Variants in DACH2 observed in about 807,000 individuals in gnomAD.
The protein encoded by DACH2 is dachshund homolog 2.
DACH2 carries 17 observed loss-of-function variants against 35.8 expected under a neutral mutation model. The observed-to-expected ratio is 0.48, with a 90% CI of 0.33 to 0.71. DACH2 has a LOEUF of 0.71. Among genes scored for constraint, DACH2 ranks in the 30% least tolerant of loss-of-function variants. The probability of loss-of-function intolerance (pLI) is 0.02; values close to 1 mark genes in which losing one functional copy is unlikely to be tolerated. For missense variants in DACH2, 469 were observed against 472.7 expected, an observed-to-expected ratio of 0.99 and a Z score of 0.07; for synonymous variants, 195 against 177.3, an observed-to-expected ratio of 1.10 and a Z score of -0.79.
intron 2 of DACH2, among the ~76,000 whole-genome samples, chrX:86,503,761 CT>C (rs976517325): frequency 9.0e-6 from 1 of 111,588 alleles, no homozygotes; most frequent in African/African-American, 3.3e-5. Flanking sequence ...AAATATCACG[CT>C]TTTAGGAAAA....
intron 3 of DACH2, among the ~76,000 whole-genome samples, chrX:86,559,929 A>C (rs1349522798): frequency 1.5e-5 from 1 of 66,345 alleles, no homozygotes; most frequent in East Asian, 4.7e-4. Flanking sequence ...TGCAGAATTT[A>C]GTCCATTTAT....
intron 1 of DACH2, among the ~76,000 whole-genome samples, chrX:86,325,290 A>G (rs988696315): frequency 3.6e-5 from 4 of 111,733 alleles, no homozygotes; most frequent in African/African-American, 1.3e-4. Context: ...CTCACGCTTA[A>G]TTGAGTATGC....
chrX:86,781,352 A>T (rs1051577770), intron 7 of DACH2, among the ~76,000 whole-genome samples: 4 of 111,554 alleles, frequency 3.6e-5, no homozygotes, highest in African/African-American at 1.3e-4. Context: ...GCAACCAACC[A>T]GCTTCATTAT....
intron 11 of DACH2, among the ~76,000 whole-genome samples, chrX:86,824,605 A>T (rs1446012258): frequency 8.9e-6 from 1 of 112,177 alleles, no homozygotes; most frequent in African/African-American, 3.2e-5. Context: ...GAACTGATAA[A>T]TGTCCATGAA....
At position 86,644,693 on chromosome X, in the gene DACH2, T is replaced by C. The variant is rs760255137; in HGVS notation, c.641-6343T>C. ...TACAAGGCTACAATGACCAAAACAGTGTGGCACTGGTACAAAAACAGGTGC... is the reference window on the plus strand; with the variant it reads ...TACAAGGCTACAATGACCAAAACAGCGTGGCACTGGTACAAAAACAGGTGC... On this transcript the variant is annotated intron_variant, in intron 3 of 11. Coordinates refer to ENST00000373125, the MANE Select transcript of DACH2 (RefSeq NM_053281.3). 2.7e-5 allele frequency among the ~76,000 whole-genome samples: 3 copies of C among 111,185 alleles called. No homozygotes were observed. In the South Asian group the frequency reaches 1.1e-3, roughly 42 times the overall value.
Position 86,739,740 on chromosome X carries a change from G to T in DACH2, c.1105-7G>T. ...GACATTTCCTTTTGTGTTTCCTTTT[G>T]TGTCAGGAGCGGATCCCAGAGAGTC... is the stretch of plus-strand genomic sequence containing the variant. On this transcript the variant is annotated splice_polypyrimidine_tract_variant and splice_region_variant and intron_variant, in intron 6 of 11. Coordinates refer to ENST00000373125, the MANE Select transcript of DACH2 (RefSeq NM_053281.3). The T allele has an allele frequency of 8.6e-7, 1 of 1,167,793 alleles. No individual in the cohort carries two copies.
intron 2 of DACH2, among the ~76,000 whole-genome samples, chrX:86,427,149 G>T (rs945328675): frequency 9.0e-6 from 1 of 111,509 alleles, no homozygotes; most frequent in African/African-American, 3.3e-5. Context: ...ACCTGAGCCA[G>T]ACTGCCCTTT....
At chrX:86,346,057 C>T (rs1602426194) in intron 1 of DACH2, among the ~76,000 whole-genome samples, 1 of 111,410 alleles carries the variant, frequency 9.0e-6, no homozygotes, top group Middle Eastern at 4.7e-3. Flanking sequence ...AAATATAGGC[C>T]AGATTGTGAT....
At chrX:86,399,860 T>G (rs1229669538) in intron 2 of DACH2, among the ~76,000 whole-genome samples, 1 of 111,496 alleles carries the variant, frequency 9.0e-6, no homozygotes, top group East Asian at 2.8e-4. Flanking sequence ...TTATGTGTCT[T>G]GGACTTGCTG....
intron 2 of DACH2, among the ~76,000 whole-genome samples, chrX:86,484,798 AAATT>A (rs756632098): frequency 1.8e-5 from 2 of 112,448 alleles, no homozygotes; most frequent in Non-Finnish European, 3.8e-5. Context: ...AGTGATCTGA[AAATT>A]AATGTCTTAA....
intron 4 of DACH2, among the ~76,000 whole-genome samples, chrX:86,681,642 G>T (rs2040883341): frequency 9.8e-6 from 1 of 101,872 alleles, no homozygotes; most frequent in African/African-American, 3.6e-5. Flanking sequence ...TGATATACAT[G>T]ATATCATATA....
At chrX:86,278,703 C>G (rs756911736) in intron 1 of DACH2, among the ~76,000 whole-genome samples, 1 of 111,730 alleles carries the variant, frequency 9.0e-6, no homozygotes, top group Non-Finnish European at 1.9e-5. Context: ...ACTGTTCATT[C>G]CCCTGGAAAA....
chrX:86,254,781 A>AATATATATATAT (rs1200745075), intron 1 of DACH2, among the ~76,000 whole-genome samples: 14 of 22,585 alleles, frequency 6.2e-4, no homozygotes, highest in Admixed American at 9.0e-4. Flanking sequence ...CAAATAAATA[A>AATATATATATAT]ATATATATAT....
intron 2 of DACH2, among the ~76,000 whole-genome samples, chrX:86,455,845 G>T (rs1240011676): frequency 8.9e-6 from 1 of 112,147 alleles, no homozygotes; most frequent in Non-Finnish European, 1.9e-5. Context: ...CCTTTCTAGG[G>T]ATATCTACAG....
chrX:86,635,225 A>T (rs2040248878), intron 3 of DACH2, among the ~76,000 whole-genome samples: 1 of 110,549 alleles, frequency 9.0e-6, no homozygotes, highest in Middle Eastern at 4.6e-3. Flanking sequence ...TGCACAAATC[A>T]ATAAATGTGA....
intron 1 of DACH2, among the ~76,000 whole-genome samples, chrX:86,298,777 T>C (rs751952166): frequency 7.1e-5 from 8 of 112,270 alleles, no homozygotes; most frequent in African/African-American, 2.3e-4. Context: ...GTCCAACTTG[T>C]AAAATGATGG....
intron 2 of DACH2, among the ~76,000 whole-genome samples, chrX:86,414,264 T>C (rs1186425647): frequency 9.0e-6 from 1 of 111,337 alleles, no homozygotes; most frequent in African/African-American, 3.3e-5. Flanking sequence ...TAAGTAGGAA[T>C]GCAGTAGGCT....
intron 1 of DACH2, among the ~76,000 whole-genome samples, chrX:86,324,959 C>G (rs2035086449): frequency 9.1e-6 from 1 of 110,107 alleles, no homozygotes; most frequent in African/African-American, 3.3e-5. Context: ...GCCAAAGGCT[C>G]AGATGATTGT....
intron 4 of DACH2, among the ~76,000 whole-genome samples, chrX:86,689,875 C>T (rs1159047734): frequency 6.3e-5 from 7 of 111,579 alleles, no homozygotes; most frequent in African/African-American, 2.3e-4. Context: ...GTAGTAGCAA[C>T]TGCTACTATA....
Sources: allele counts gnomAD v4.1 joint callset (sites outside exome capture counted in the v4.1 genomes callset), GRCh38; gene constraint gnomAD v4.1.1; transcripts MANE v1.5; gene names NCBI Gene and HGNC (gene_info 2026-07-23, HGNC 2026-07-21).